Variants in PDZD2 observed in about 807,000 individuals in gnomAD.
PDZD2 encodes the protein PDZ domain containing 2, also known as PDZ domain-containing protein 2.
In PDZD2, 90 loss-of-function variants were observed where a neutral mutation model predicts 220.7. That is an observed-to-expected ratio of 0.41 (90% CI 0.34 to 0.49). PDZD2 has a LOEUF of 0.49. PDZD2 is among the 20% of genes least tolerant of loss of function. The pLI is 0.28. For synonymous variants in PDZD2, 1,375 were observed against 1,450.5 expected, an observed-to-expected ratio of 0.95 and a Z score of 1.18; for missense variants, 3,174 against 3,608.5, an observed-to-expected ratio of 0.88 and a Z score of 3.08.
intron 2 of PDZD2, among the ~76,000 whole-genome samples, chr5:31,875,696 T>C (rs959085504): frequency 6.7e-6 from 1 of 149,484 alleles, no homozygotes; most frequent in African/African-American, 2.4e-5. Flanking sequence ...TTAAATATAA[T>C]CTATTTGGGA....
At chr5:31,881,626 C>T (rs1323643195) in intron 2 of PDZD2, among the ~76,000 whole-genome samples, 2 of 151,832 alleles carry the variant, frequency 1.3e-5, no homozygotes, top group African/African-American at 2.4e-5. Flanking sequence ...GATCCACCCA[C>T]CTCAGCTTCC....
intron 23 of PDZD2, chr5:32,100,123 C>T (rs920853728): frequency 6.6e-6 from 1 of 152,430 alleles, no homozygotes; most frequent in Admixed American, 6.5e-5. Context: ...CTGCAATAGA[C>T]CCATTTTCCT....
intron 2 of PDZD2, among the ~76,000 whole-genome samples, chr5:31,975,275 TCA>T (rs1042625861): frequency 7.9e-5 from 12 of 152,082 alleles, no homozygotes; most frequent in African/African-American, 2.9e-4. Context: ...AGGAGCAAAG[TCA>T]CATCTTACAT....
At chr5:31,949,097 CAAAA>C (rs34780210) in intron 2 of PDZD2, among the ~76,000 whole-genome samples, 3 of 54,980 alleles carry the variant, frequency 5.5e-5, no homozygotes, top group East Asian at 1.6e-3. Flanking sequence ...GACTCTGTCT[CAAAA>C]AAAAAAAAAA....
At chr5:31,760,545 A>C (rs1751572453) in intron 1 of PDZD2, among the ~76,000 whole-genome samples, 1 of 152,196 alleles carries the variant, frequency 6.6e-6, no homozygotes, top group South Asian at 2.1e-4. Flanking sequence ...GAAAGGCAGC[A>C]TCCTCAGGGA....
At chr5:32,030,218 G>A (rs1395694341) in intron 6 of PDZD2, among the ~76,000 whole-genome samples, 1 of 152,234 alleles carries the variant, frequency 6.6e-6, no homozygotes, top group Non-Finnish European at 1.5e-5. Flanking sequence ...GAAGTGCTTA[G>A]ACTGAAGAAA....
In PDZD2 at chr5:32,108,326, T is replaced by G; in HGVS notation, c.*191T>G. The G allele has an allele frequency of 2.3e-6, 1 of 427,852 alleles. No homozygotes were observed. The highest frequency in any genetic ancestry group is 4.1e-6 in the Non-Finnish European group (1 of 243,936). 26.5% of individuals were successfully genotyped at this position (427,852 alleles called of 1,614,324 possible). On this transcript the variant is annotated 3_prime_UTR_variant, in exon 25 of 25. Coordinates refer to ENST00000438447, the MANE Select transcript of PDZD2 (RefSeq NM_178140.4). ...AGCAATGAAATTAACTCCAGAAGCC[T>G]TCCACCTGCGTCACCCAGGCCGGGA... is the stretch of plus-strand genomic sequence containing the variant.
intron 1 of PDZD2, among the ~76,000 whole-genome samples, chr5:31,652,197 T>C (rs968289176): frequency 6.6e-6 from 1 of 151,846 alleles, no homozygotes; most frequent in Non-Finnish European, 1.5e-5. Context: ...CTTGCCATGT[T>C]ACCCAGGCTG....
chr5:32,030,970 T>C (rs1755069835), intron 6 of PDZD2, among the ~76,000 whole-genome samples: 1 of 152,212 alleles, frequency 6.6e-6, no homozygotes, highest in African/African-American at 2.4e-5. Flanking sequence ...TTCCCTGCAG[T>C]TTTGCCTTCA....
intron 5 of PDZD2, among the ~76,000 whole-genome samples, chr5:32,003,002 ACACACAC>A (rs1213819075): frequency 3.0e-5 from 4 of 131,588 alleles, no homozygotes; most frequent in Non-Finnish European, 6.4e-5. Context: ...ACACACCAAC[ACACACAC>A]CACACACCAC....
chr5:31,908,151 T>G (rs1243115538), intron 2 of PDZD2, among the ~76,000 whole-genome samples: 1 of 151,900 alleles, frequency 6.6e-6, no homozygotes, highest in East Asian at 1.9e-4. Flanking sequence ...AATAACATCT[T>G]TATCCATGTT....
At chr5:31,648,155 A>C (rs1265028557) in intron 1 of PDZD2, among the ~76,000 whole-genome samples, 1 of 152,056 alleles carries the variant, frequency 6.6e-6, no homozygotes, top group Non-Finnish European at 1.5e-5. Flanking sequence ...TTTTTTGGCT[A>C]TTCTAGGGAG....
At chr5:32,025,572 C>G (rs1396086543) in intron 6 of PDZD2, among the ~76,000 whole-genome samples, 6 of 133,270 alleles carry the variant, frequency 4.5e-5, no homozygotes, top group African/African-American at 1.7e-4. Context: ...AACTAGTGAG[C>G]CCAAATGTAA....
chr5:31,841,355 CT>C (rs1757291375), intron 2 of PDZD2, among the ~76,000 whole-genome samples: 1 of 152,174 alleles, frequency 6.6e-6, no homozygotes, highest in Non-Finnish European at 1.5e-5. Flanking sequence ...CTAAGCCAGG[CT>C]TTCCCTAACT....
At chr5:31,649,834 AGGCTGAG>A (rs1256268348) in intron 1 of PDZD2, among the ~76,000 whole-genome samples, 1 of 144,788 alleles carries the variant, frequency 6.9e-6, no homozygotes, top group Non-Finnish European at 1.5e-5. Context: ...GCTACTCAGG[AGGCTGAG>A]GCAGGAGAAC....
intron 3 of PDZD2, among the ~76,000 whole-genome samples, chr5:31,992,477 T>C (rs1047980273): frequency 6.6e-6 from 1 of 152,148 alleles, no homozygotes; most frequent in African/African-American, 2.4e-5. Context: ...TGTATTCCCA[T>C]GAACATCGTT....
intron 2 of PDZD2, among the ~76,000 whole-genome samples, chr5:31,948,624 G>A (rs1057351003): frequency 2.6e-5 from 4 of 152,020 alleles, no homozygotes; most frequent in African/African-American, 9.7e-5. Flanking sequence ...GCAGACATAA[G>A]GTATAAAAAG....
chr5:31,987,229 C>G (rs534872395), intron 3 of PDZD2, among the ~76,000 whole-genome samples: 20 of 152,148 alleles, frequency 1.3e-4, no homozygotes, highest in Non-Finnish European at 2.1e-4. Flanking sequence ...AAAAAGAACC[C>G]TACCACTTGC....
intron 2 of PDZD2, among the ~76,000 whole-genome samples, chr5:31,836,228 C>CTTTTT (rs34323361): frequency 0.2 from 23,774 of 121,810 alleles, 3,363 homozygotes; most frequent in Non-Finnish European, 0.26. Flanking sequence ...ATTTTATTGG[C>CTTTTT]TTTTTTTTTT....
Sources: allele counts gnomAD v4.1 joint callset (sites outside exome capture counted in the v4.1 genomes callset), GRCh38; gene constraint gnomAD v4.1.1; transcripts MANE v1.5; gene names NCBI Gene and HGNC (gene_info 2026-07-23, HGNC 2026-07-21).